Variants in FRAS1 observed in about 807,000 individuals in gnomAD.
The protein encoded by FRAS1 is Fraser extracellular matrix complex subunit 1.
A neutral mutation model predicts 435.2 loss-of-function variants in FRAS1; 290 were observed. That is an observed-to-expected ratio of 0.67 (90% CI 0.61 to 0.73). The LOEUF (loss-of-function observed/expected upper bound fraction) is 0.73, where lower values mean the gene tolerates loss of function less well. Ranked by LOEUF, FRAS1 falls within the 30% of genes least tolerant of loss-of-function variation. The pLI, the probability that FRAS1 is intolerant of heterozygous loss-of-function variation, is 0.00. For synonymous variants in FRAS1, 1,800 were observed against 1,851.0 expected, an observed-to-expected ratio of 0.97 and a Z score of 0.71; for missense variants, 4,860 against 5,001.5, an observed-to-expected ratio of 0.97 and a Z score of 0.85.
At chr4:78,506,342 G>C (rs1160101571) in intron 61 of FRAS1, among the ~76,000 whole-genome samples, 1 of 152,350 alleles carries the variant, frequency 6.6e-6, no homozygotes, top group South Asian at 2.1e-4. Flanking sequence ...GTTCAGCTAT[G>C]CCCTGCCCAC....
At chr4:78,336,053 G>T (rs961801143) in intron 19 of FRAS1, among the ~76,000 whole-genome samples, 8 of 152,034 alleles carry the variant, frequency 5.3e-5, no homozygotes, top group African/African-American at 1.9e-4. Context: ...GTCAGTAAAT[G>T]TAATAAACTT....
At chr4:78,161,732 A>G (rs1332407991) in intron 2 of FRAS1, among the ~76,000 whole-genome samples, 1 of 144,746 alleles carries the variant, frequency 6.9e-6, no homozygotes, top group Non-Finnish European at 1.5e-5. Context: ...ACAAGAGCAA[A>G]ACTCTGTCTC....
At position 78,254,928 on chromosome 4, in the gene FRAS1, C is replaced by T. The variant is rs543384854; in HGVS notation, c.470-314C>T. Among the ~76,000 whole-genome samples the T allele has an allele frequency of 2.7e-3, 417 of 152,256 alleles. 1 individual carries two copies. The highest frequency in any genetic ancestry group is 9.8e-3 in the African/African-American group (406 of 41,538). ...TGGTGCATAGGGCGCATGCAACCTC[C>T]TGGCACCAGCCCCCACGAGGGTTGG... On this transcript the variant is annotated intron_variant, in intron 5 of 73. Transcript: ENST00000512123.
At chr4:78,255,451 G>A in intron 6 of FRAS1, 76 bp downstream of exon 6, 2 of 1,405,472 alleles carry the variant, frequency 1.4e-6, no homozygotes, top group South Asian at 1.5e-5. Flanking sequence ...ATTATGGCAG[G>A]CAGGCCTCAG....
At chr4:78,138,540 G>A (rs756681236) in intron 2 of FRAS1, among the ~76,000 whole-genome samples, 3 of 152,112 alleles carry the variant, frequency 2.0e-5, no homozygotes, top group Non-Finnish European at 4.4e-5. Flanking sequence ...TTTCATAATA[G>A]CGACGGCTTT....
intron 2 of FRAS1, among the ~76,000 whole-genome samples, chr4:78,165,219 T>C (rs1022249124): frequency 6.6e-6 from 1 of 152,226 alleles, no homozygotes; most frequent in Non-Finnish European, 1.5e-5. Flanking sequence ...CTTTCATCAT[T>C]GCCTCTTTCA....
chr4:78,271,631 A>G (rs1251892332), intron 9 of FRAS1, among the ~76,000 whole-genome samples: 1 of 152,164 alleles, frequency 6.6e-6, no homozygotes, highest in Non-Finnish European at 1.5e-5. Flanking sequence ...ATGTCCCTAC[A>G]ATGGACATGA....
intron 14 of FRAS1, among the ~76,000 whole-genome samples, chr4:78,307,596 C>G (rs370966369): frequency 6.6e-6 from 1 of 152,216 alleles, no homozygotes; most frequent in African/African-American, 2.4e-5. Context: ...GCGCAGTATT[C>G]GGGTGGGAGT....
chr4:78,510,237 A>G (rs1316671642), intron 63 of FRAS1, among the ~76,000 whole-genome samples: 1 of 152,120 alleles, frequency 6.6e-6, no homozygotes, highest in Non-Finnish European at 1.5e-5. Context: ...TTAACAGATA[A>G]ATTTATGACT....
intron 2 of FRAS1, chr4:78,181,303 T>C (rs1251443000): frequency 6.2e-7 from 1 of 1,607,298 alleles, no homozygotes; most frequent in Admixed American, 1.7e-5. Context: ...CTGGATGATG[T>C]TCTTCACCTT....
intron 2 of FRAS1, among the ~76,000 whole-genome samples, chr4:78,212,982 G>A (rs997802279): frequency 4.6e-5 from 7 of 152,276 alleles, no homozygotes; most frequent in African/African-American, 1.7e-4. Context: ...ATTCCTAGTT[G>A]GCCGTGCATC....
chr4:78,310,129 A>G (rs1728957956), intron 15 of FRAS1, among the ~76,000 whole-genome samples: 1 of 152,218 alleles, frequency 6.6e-6, no homozygotes, highest in South Asian at 2.1e-4. Context: ...TCAGGAGAGA[A>G]TAAGGAAAGA....
At chr4:78,121,884 G>A (rs1719046075) in intron 2 of FRAS1, among the ~76,000 whole-genome samples, 1 of 152,122 alleles carries the variant, frequency 6.6e-6, no homozygotes. Flanking sequence ...ATGCCCAAAG[G>A]TAAAGACATT....
At chr4:78,343,459 C>T (rs1730479602) in intron 20 of FRAS1, among the ~76,000 whole-genome samples, 1 of 142,556 alleles carries the variant, frequency 7.0e-6, no homozygotes, top group South Asian at 2.6e-4. Flanking sequence ...CTCTTCTACC[C>T]TACCTTCTTT....
At chr4:78,378,822 G>A (rs1216092006) in intron 26 of FRAS1, among the ~76,000 whole-genome samples, 1 of 152,032 alleles carries the variant, frequency 6.6e-6, no homozygotes, top group African/African-American at 2.4e-5. Flanking sequence ...TCTGTGGGTT[G>A]TCTTTTCACT....
chr4:78,340,823 C>G (rs940015212), intron 20 of FRAS1, among the ~76,000 whole-genome samples: 2 of 152,166 alleles, frequency 1.3e-5, no homozygotes, highest in Admixed American at 1.3e-4. Context: ...CCCCTGTTTC[C>G]CTCCGCATGT....
chr4:78,216,229 G>C (rs1261531786), intron 2 of FRAS1, among the ~76,000 whole-genome samples: 1 of 152,212 alleles, frequency 6.6e-6, no homozygotes, highest in Non-Finnish European at 1.5e-5. Context: ...TAGACGTCAG[G>C]CTTGTCTAGA....
At position 78,428,968 on chromosome 4, in the gene FRAS1, GTTTC is replaced by G. The variant is rs1734103188; in HGVS notation, c.4712-125_4712-122del. ...TCAAAGGTTAAAGTAGTGCAAAAAA[GTTTC>G]TAGCTACATATTTGTGGAAACTGCC... On this transcript the variant is annotated intron_variant, in intron 35 of 73. Transcript: ENST00000512123. The G allele has an allele frequency of 5.5e-6, 5 of 912,650 alleles. No individual in the cohort carries two copies. In the South Asian group the frequency reaches 9.3e-5, roughly 17 times the overall value. The allele number at this position is 912,650 out of a possible 1,614,324, so 56.5% of individuals were successfully genotyped here.
chr4:78,487,699 A>C (rs1311112904), intron 58 of FRAS1, among the ~76,000 whole-genome samples: 1 of 152,208 alleles, frequency 6.6e-6, no homozygotes, highest in East Asian at 1.9e-4. Context: ...TTCCTACCAA[A>C]CTTTGAGTTC....
Sources: allele counts gnomAD v4.1 joint callset (sites outside exome capture counted in the v4.1 genomes callset), GRCh38; gene constraint gnomAD v4.1.1; transcripts MANE v1.5; gene names NCBI Gene and HGNC (gene_info 2026-07-23, HGNC 2026-07-21).